The following WDR64 variants were observed in gnomAD, a reference collection of about 807,000 sequenced individuals.
WDR64 encodes WD repeat-containing protein 64.
Under a neutral mutation model 139.3 loss-of-function variants are expected in WDR64, and 112 were observed. The ratio of observed to expected loss-of-function variants is 0.80; its 90% CI spans 0.69 to 0.94. WDR64 has a LOEUF of 0.94. Among genes scored for constraint, WDR64 ranks in the 40% least tolerant of loss-of-function variants. The probability of loss-of-function intolerance (pLI) is 0.00; values close to 1 mark genes in which losing one functional copy is unlikely to be tolerated. For synonymous variants in WDR64, 444 were observed against 437.7 expected (o/e 1.01, Z -0.18); for missense variants, 1,206 against 1,293.1 (o/e 0.93, Z 1.03).
intron 22 of WDR64, among the ~76,000 whole-genome samples, chr1:241,780,719 G>T (rs7537968): frequency 0.18 from 26,970 of 152,024 alleles, 2,813 homozygotes; most frequent in African/African-American, 0.27. Context: ...GATTAGTGGA[G>T]TTTTCTTTTT....
At chr1:241,705,568 T>TA (rs376505973) in intron 8 of WDR64, among the ~76,000 whole-genome samples, 2,115 of 127,218 alleles carry the variant, frequency 0.017, 25 homozygotes, top group African/African-American at 0.032. Flanking sequence ...TAAATAATAA[T>TA]AATAATAATA....
At chr1:241,698,041 C>A (rs796605470) in intron 8 of WDR64, among the ~76,000 whole-genome samples, 1 of 152,290 alleles carries the variant, frequency 6.6e-6, no homozygotes, top group East Asian at 1.9e-4. Context: ...TTCTTCAATA[C>A]ACTGATACCT....
chr1:241,777,561 G>T (rs2148310972), intron 21 of WDR64, among the ~76,000 whole-genome samples: 1 of 146,416 alleles, frequency 6.8e-6, no homozygotes, highest in South Asian at 2.1e-4. Flanking sequence ...GGGATTACAG[G>T]CACCTGACAC....
At chr1:241,653,660 C>T (rs1455673050) in intron 1 of WDR64, among the ~76,000 whole-genome samples, 3 of 151,812 alleles carry the variant, frequency 2.0e-5, no homozygotes, top group African/African-American at 7.2e-5. Flanking sequence ...TCTCCTGCCT[C>T]AGCCTCCCAA....
chr1:241,706,362 G>A (rs375717221), intron 8 of WDR64, among the ~76,000 whole-genome samples: 2 of 152,366 alleles, frequency 1.3e-5, no homozygotes, highest in East Asian at 3.9e-4. Flanking sequence ...CTGTTGGGGC[G>A]AGGTGACAAG....
intron 8 of WDR64, among the ~76,000 whole-genome samples, chr1:241,693,840 T>C (rs1467627997): frequency 6.6e-6 from 1 of 152,230 alleles, no homozygotes; most frequent in Non-Finnish European, 1.5e-5. Flanking sequence ...GGTTAAAACA[T>C]ATAACCCTTC....
chr1:241,699,702 A>G (rs1667635363), intron 8 of WDR64, among the ~76,000 whole-genome samples: 1 of 152,222 alleles, frequency 6.6e-6, no homozygotes, highest in African/African-American at 2.4e-5. Context: ...AAATAGACAC[A>G]ATACAGAAGT....
chr1:241,663,414 C>T (rs1228616730), intron 2 of WDR64, among the ~76,000 whole-genome samples: 3 of 152,192 alleles, frequency 2.0e-5, no homozygotes, highest in Non-Finnish European at 4.4e-5. Flanking sequence ...CATACCTTCA[C>T]CTCCACAAAC....
At chr1:241,794,665 C>T (rs567309964) in intron 25 of WDR64, among the ~76,000 whole-genome samples, 271 of 152,018 alleles carry the variant, frequency 1.8e-3, no homozygotes, top group African/African-American at 2.6e-3. Context: ...CCTGCCACCA[C>T]GCCCAGCTAA....
Position 241,775,164 on chromosome 1 carries a change from G to A in WDR64, c.2490G>A (p.Ser830=), listed in dbSNP as rs1241083985. ...FTKHSAISLT[S]LYTDSCTRIL... ...AACATTCTGCCATTTCTCTGACATC[G>A]CTGTATACTGATTCATGTACGAGGA... Residue 830 remains serine, a synonymous_variant, in exon 21 of 28, where the codon TCG becomes TCA. Coordinates refer to ENST00000437684, the MANE Select transcript of WDR64 (RefSeq NM_001367482.1). 6.4e-6 allele frequency: 10 copies of A among 1,550,794 alleles called. No homozygotes were observed. The highest frequency in any genetic ancestry group is 2.0e-5 in the Admixed American group (1 of 50,974).
chr1:241,725,660 A>C (rs1279038225), intron 10 of WDR64, among the ~76,000 whole-genome samples: 1 of 152,130 alleles, frequency 6.6e-6, no homozygotes, highest in Non-Finnish European at 1.5e-5. Flanking sequence ...CCTCCAGTTC[A>C]CAACTGAGGA....
Position 241,784,953 on chromosome 1 carries a change from G to GAAAAAAAAAAAAAAAAAAAAAAAA in WDR64, c.2705+1595_2705+1596insAAAAAAAAAAAAAAAAAAAAAAAA, listed in dbSNP as rs58720618. The stretch of plus-strand genomic sequence containing the variant: ...TGGGCGACAGAGTGAGACTCTGTCT[G>GAAAAAAAAAAAAAAAAAAAAAAAA]AAAAAAAAAAAAAAAAAAAAAAAGA... On this transcript the variant is annotated intron_variant, in intron 23 of 27. Coordinates refer to ENST00000437684, the MANE Select transcript of WDR64 (RefSeq NM_001367482.1). Among the ~76,000 whole-genome samples the GAAAAAAAAAAAAAAAAAAAAAAAA allele has an allele frequency of 7.4e-4, 46 of 62,236 alleles. 2 individuals carry two copies. The highest frequency in any genetic ancestry group is 2.3e-3 in the African/African-American group (43 of 18,452). 40.8% of individuals were successfully genotyped at this position (62,236 alleles called of 152,430 possible). A position where few individuals can be genotyped will look rare whatever the true frequency, so the allele number is the denominator to read the frequency against.
chr1:241,735,823 ATCTCTCTCTCTCTCTC>A (rs762750963), intron 10 of WDR64, among the ~76,000 whole-genome samples: 2 of 82,912 alleles, frequency 2.4e-5, no homozygotes, highest in African/African-American at 4.4e-5. Context: ...TTCTCTTTCT[ATCTCTCTCTCTCTCTC>A]TCTCTCTCTC....
intron 1 of WDR64, 74 bp from the exon 2 acceptor site, chr1:241,660,456 T>C: frequency 6.7e-7 from 1 of 1,497,070 alleles, no homozygotes. Context: ...GGTGAGGAAA[T>C]AAAAAATGTA....
chr1:241,701,966 A>G (rs915922441), intron 8 of WDR64, among the ~76,000 whole-genome samples: 5 of 152,244 alleles, frequency 3.3e-5, no homozygotes, highest in African/African-American at 1.2e-4. Flanking sequence ...GCTCCCAAGA[A>G]GACAGGAAAA....
At chr1:241,675,702 T>TA (rs1239246419) in intron 4 of WDR64, among the ~76,000 whole-genome samples, 1 of 152,250 alleles carries the variant, frequency 6.6e-6, no homozygotes, top group Non-Finnish European at 1.5e-5. Flanking sequence ...GTGAGCCACT[T>TA]ACATATCTTT....
At chr1:241,772,249 C>A (rs72770245) in intron 19 of WDR64, among the ~76,000 whole-genome samples, 1 of 144,058 alleles carries the variant, frequency 6.9e-6, no homozygotes. Flanking sequence ...TCAAAATAAA[C>A]GTTTTATATT....
At chr1:241,667,308 T>C (rs889031410) in intron 2 of WDR64, among the ~76,000 whole-genome samples, 1 of 152,182 alleles carries the variant, frequency 6.6e-6, no homozygotes, top group Admixed American at 6.5e-5. Context: ...CTACTTTGCG[T>C]AAGTCCTTTA....
chr1:241,798,544 C>T lies in WDR64; in HGVS notation c.3192+2174C>T, dbSNP rs1486662972. On this transcript the variant is annotated intron_variant, in intron 27 of 27. Transcript: ENST00000437684. Reference sequence around the variant, plus strand: ...ATCAGTAGTTAGACACCAAATGCCTCGTTTCATAAAAATACTTCCAAAATG... The same window carrying T: ...ATCAGTAGTTAGACACCAAATGCCTTGTTTCATAAAAATACTTCCAAAATG... Among the ~76,000 whole-genome samples the T allele has an allele frequency of 2.6e-5, 4 of 152,148 alleles. No homozygotes were observed. The East Asian group carries it at 7.7e-4, about 29-fold the overall frequency.
Sources: allele counts gnomAD v4.1 joint callset (sites outside exome capture counted in the v4.1 genomes callset), GRCh38; gene constraint gnomAD v4.1.1; transcripts MANE v1.5; gene names NCBI Gene and HGNC (gene_info 2026-07-23, HGNC 2026-07-21).